The following C10orf67 variants were observed in gnomAD, a reference collection of about 807,000 sequenced individuals.
C10orf67 encodes the protein chromosome 10 open reading frame 67.
C10orf67 carries 60 observed loss-of-function variants against 35.6 expected under a neutral mutation model. The observed-to-expected ratio is 1.68, with a 90% CI of 1.37 to 2.09. The LOEUF is 2.09. Ranked by LOEUF, C10orf67 falls within the 30% of genes most tolerant of loss-of-function variation. The pLI, the probability that C10orf67 is intolerant of heterozygous loss-of-function variation, is 0.00. For synonymous variants in C10orf67, 167 were observed against 115.8 expected (o/e 1.44, Z -2.84); for missense variants, 474 against 330.2 (o/e 1.44, Z -3.38).
chr10:23,321,329 T>C (rs1844947150), intron 3 of C10orf67, among the ~76,000 whole-genome samples: 1 of 152,228 alleles, frequency 6.6e-6, no homozygotes, highest in Non-Finnish European at 1.5e-5. Context: ...GATTTCAGCA[T>C]GGAGTATAAA....
At chr10:23,201,988 C>T (rs1841044876), downstream of C10orf67, 2 of 152,134 alleles carry the variant, frequency 1.3e-5, no homozygotes, top group East Asian at 1.9e-4. Flanking sequence ...CTTTTATTTA[C>T]CTTGCAATAA....
At chr10:23,209,781 C>T (rs1276071209) in intron 15 of C10orf67, among the ~76,000 whole-genome samples, 1 of 152,030 alleles carries the variant, frequency 6.6e-6, no homozygotes, top group Non-Finnish European at 1.5e-5. Context: ...ATGTGGATCG[C>T]TTGAGCTCAG....
At chr10:23,221,235 A>G (rs1426304874) in intron 15 of C10orf67, among the ~76,000 whole-genome samples, 2 of 151,984 alleles carry the variant, frequency 1.3e-5, no homozygotes, top group Non-Finnish European at 2.9e-5. Flanking sequence ...GGAGAGAGCG[A>G]GAGAGAGAGA....
chr10:23,336,468 G>C (rs1202526062), intron 1 of C10orf67, among the ~76,000 whole-genome samples: 1 of 152,138 alleles, frequency 6.6e-6, no homozygotes, highest in Non-Finnish European at 1.5e-5. Flanking sequence ...GTAGTGATGA[G>C]CACATCTAAC....
Position 23,218,307 on chromosome 10 carries a change from A to ATTTTTT in C10orf67, c.1570+5285_1570+5290dup, listed in dbSNP as rs371926193. Among the ~76,000 whole-genome samples the ATTTTTT allele has an allele frequency of 6.9e-4, 82 of 119,078 alleles. No homozygotes were observed. In the East Asian group the frequency reaches 9.2e-3, roughly 13 times the overall value. The allele number at this position is 119,078 out of a possible 152,430, so 78.1% of individuals were successfully genotyped here. A position where few individuals can be genotyped will look rare whatever the true frequency, so the allele number is the denominator to read the frequency against. On this transcript the variant is annotated intron_variant, in intron 15 of 15. Transcript: ENST00000636213. ...AGGTTCACATCACTACACGAGGCTA[A>ATTTTTT]TTTTTTTTTTTTTTTTTTTTTGTAG...
chr10:23,298,048 G>A (rs1215410211), intron 5 of C10orf67, among the ~76,000 whole-genome samples: 1 of 152,076 alleles, frequency 6.6e-6, no homozygotes, highest in Non-Finnish European at 1.5e-5. Flanking sequence ...AAGGTCAGGA[G>A]ATCGAGACCA....
chr10:23,316,913 C>G (rs1844735962), intron 4 of C10orf67: 1 of 152,250 alleles, frequency 6.6e-6, no homozygotes, highest in Admixed American at 6.5e-5. Flanking sequence ...ATAGGTGGGC[C>G]TGAAAAAAGC....
chr10:23,204,011 A>C lies in C10orf67; in HGVS notation c.*162T>G, dbSNP rs566695036. On this transcript the variant is annotated 3_prime_UTR_variant, in exon 16 of 16. Transcript: ENST00000636213. ...GCGCACAAGGCGCGCATTGAGGTCT[A>C]TTCGAGCGCAGTGCTGGTTAATATA... 19 of 384,640 alleles carry C rather than the reference A, an allele frequency of 4.9e-5. No individual in the cohort carries two copies. The highest frequency in any genetic ancestry group is 8.3e-5 in the Non-Finnish European group (18 of 216,572). 23.8% of individuals were successfully genotyped at this position (384,640 alleles called of 1,614,324 possible). A position where few individuals can be genotyped will look rare whatever the true frequency, so the allele number is the denominator to read the frequency against.
At position 23,303,460 on chromosome 10, in the gene C10orf67, C is replaced by A; in HGVS notation, c.547-1G>T. 3 of 546,124 alleles carry A rather than the reference C, an allele frequency of 5.5e-6. No individual in the cohort carries two copies. The highest frequency in any genetic ancestry group is 2.9e-5 in the South Asian group (1 of 34,684). The allele number at this position is 546,124 out of a possible 1,614,324, so 33.8% of individuals were successfully genotyped here. On this transcript the variant is annotated splice_acceptor_variant, in intron 4 of 15. Transcript: ENST00000636213. LOFTEE classifies it high-confidence loss of function. ...TCTCTTCTTCTACCTCAAAGAATTG[C>A]TAGGGACAAAAAAAAGCAGCATTAA...
intron 13 of C10orf67, among the ~76,000 whole-genome samples, chr10:23,231,937 G>T (rs1408730958): frequency 6.6e-6 from 1 of 151,738 alleles, no homozygotes; most frequent in Admixed American, 6.6e-5. Flanking sequence ...TTTATTTCTA[G>T]AAAGCTTAAA....
chr10:23,293,624 A>G (rs184995058), intron 5 of C10orf67, among the ~76,000 whole-genome samples: 1 of 152,352 alleles, frequency 6.6e-6, no homozygotes, highest in Admixed American at 6.5e-5. Flanking sequence ...ACACTATAAG[A>G]GAGACTGTGT....
intron 13 of C10orf67, among the ~76,000 whole-genome samples, chr10:23,228,966 A>G (rs192785852): frequency 6.6e-6 from 1 of 152,278 alleles, no homozygotes; most frequent in African/African-American, 2.4e-5. Context: ...TGATATAGGA[A>G]CATTTTTACA....
At chr10:23,310,051 G>A (rs1213145761) in intron 4 of C10orf67, among the ~76,000 whole-genome samples, 1 of 152,162 alleles carries the variant, frequency 6.6e-6, no homozygotes, top group Non-Finnish European at 1.5e-5. Context: ...TTTATGGAAT[G>A]AGCTGGACTC....
intron 6 of C10orf67, 128 bp downstream of exon 6, chr10:23,291,004 G>T: frequency 1.7e-6 from 1 of 585,838 alleles, no homozygotes. Flanking sequence ...AGCAAAGATG[G>T]CTATGAAATT....
chr10:23,276,483 A>G (rs896493730), intron 8 of C10orf67, among the ~76,000 whole-genome samples: 1 of 152,024 alleles, frequency 6.6e-6, no homozygotes, highest in Non-Finnish European at 1.5e-5. Context: ...CAACTTCCCT[A>G]TAAATATATA....
At chr10:23,306,516 C>T (rs935934229) in intron 4 of C10orf67, among the ~76,000 whole-genome samples, 1 of 137,974 alleles carries the variant, frequency 7.2e-6, no homozygotes, top group African/African-American at 2.7e-5. Context: ...GTGACAGTGC[C>T]AGACTCCATC....
intron 8 of C10orf67, among the ~76,000 whole-genome samples, chr10:23,272,084 T>G (rs1843043300): frequency 6.6e-6 from 1 of 152,154 alleles, no homozygotes; most frequent in Non-Finnish European, 1.5e-5. Flanking sequence ...GACTACCTAA[T>G]TTTTCTATTT....
At chr10:23,228,212 A>C (rs2132116241) in intron 13 of C10orf67, among the ~76,000 whole-genome samples, 1 of 152,348 alleles carries the variant, frequency 6.6e-6, no homozygotes, top group South Asian at 2.1e-4. Flanking sequence ...ACAGTAACCA[A>C]AAAAGCATGG....
intron 15 of C10orf67, among the ~76,000 whole-genome samples, chr10:23,209,088 G>C (rs1017928102): frequency 3.3e-5 from 5 of 152,032 alleles, no homozygotes; most frequent in African/African-American, 1.2e-4. Flanking sequence ...GCAGGGCACT[G>C]CAAGTCATTT....
Sources: allele counts gnomAD v4.1 joint callset (sites outside exome capture counted in the v4.1 genomes callset), GRCh38; gene constraint gnomAD v4.1.1; transcripts MANE v1.5; gene names NCBI Gene and HGNC (gene_info 2026-07-23, HGNC 2026-07-21).